The following TLE2 variants were observed in gnomAD, a reference collection of about 807,000 sequenced individuals.
TLE2 encodes TLE family member 2, transcriptional corepressor.
TLE2 carries 74 observed loss-of-function variants against 97.2 expected under a neutral mutation model. The ratio of observed to expected loss-of-function variants is 0.76; its 90% confidence interval spans 0.63 to 0.92. The LOEUF is 0.92. Ranked by LOEUF, TLE2 falls within the 40% of genes least tolerant of loss-of-function variation. The probability of loss-of-function intolerance (pLI) is 0.00; values close to 1 mark genes in which losing one functional copy is unlikely to be tolerated. For synonymous variants in TLE2, 499 were observed against 432.1 expected (o/e 1.15, Z -1.92); for missense variants, 1,038 against 1,008.7 (o/e 1.03, Z -0.39).
chr19:3,019,171 T>C lies in TLE2; in HGVS notation c.550+112A>G. 7.0e-7 allele frequency: 1 copy of C among 1,427,470 alleles called. No homozygotes were observed. Among genetic ancestry groups the C allele is most frequent in the Non-Finnish European group, 9.4e-7 (1 of 1,065,894 alleles). 88.4% of individuals were successfully genotyped at this position (1,427,470 alleles called of 1,614,324 possible). On this transcript the variant is annotated intron_variant, in intron 7 of 19. Coordinates refer to ENST00000262953, the MANE Select transcript of TLE2 (RefSeq NM_003260.5). This position sits in a 1 kb window ranked among gnomAD's most constrained non-coding sequence, Gnocchi z 5.1. ...CCTCGGCCTCCCAAATTGTTGGGAT[T>C]ATAGGCATGAGCCACTTCATCCCCT...
chr19:3,011,934 A>G (rs2089606523), intron 11 of TLE2, among the ~76,000 whole-genome samples: 1 of 151,410 alleles, frequency 6.6e-6, no homozygotes, highest in Non-Finnish European at 1.5e-5. Context: ...TTTTTAATAC[A>G]GGGTCTTGCT....
intron 1 of TLE2, among the ~76,000 whole-genome samples, chr19:3,034,949 G>C (rs941645382): frequency 6.6e-6 from 1 of 152,126 alleles, no homozygotes; most frequent in African/African-American, 2.4e-5. Context: ...CGAGGAACAG[G>C]GGCATTGCCC....
rs548835763 is a variant in TLE2 at position 3,013,537 on chromosome 19, C to G, written c.873+132G>C. ...AGCAGGAGGTTTAAAAAAAAAAGCA[C>G]AGGGAAAGGGTGGACAATGCCAGCC... is the stretch of plus-strand genomic sequence containing the variant. On this transcript the variant is annotated intron_variant, in intron 11 of 19. Transcript: ENST00000262953. 25 of 898,280 alleles carry G rather than the reference C, an allele frequency of 2.8e-5. No homozygotes were observed. In the African/African-American group the frequency reaches 4.0e-4, roughly 14 times the overall value. The allele number at this position is 898,280 out of a possible 1,614,324, so 55.6% of individuals were successfully genotyped here.
intron 18 of TLE2, among the ~76,000 whole-genome samples, chr19:3,001,791 C>CTTTTT (rs562875053): frequency 1.2e-4 from 13 of 111,420 alleles, no homozygotes; most frequent in South Asian, 5.8e-4. Context: ...TCTTTTCTTT[C>CTTTTT]TTTTTTTTTT....
intron 12 of TLE2, 60 bp from the exon 13 acceptor site, chr19:3,009,762 T>G: frequency 1.3e-6 from 2 of 1,535,738 alleles, no homozygotes; most frequent in Non-Finnish European, 1.7e-6. Flanking sequence ...CGCCTCCCAC[T>G]GCCTTGGGAG....
intron 5 of TLE2, among the ~76,000 whole-genome samples, chr19:3,023,325 T>A (rs912586520): frequency 6.6e-6 from 1 of 152,140 alleles, no homozygotes; most frequent in African/African-American, 2.4e-5. Flanking sequence ...CGTGAGCCAC[T>A]GGGCTCGGCC....
At chr19:3,011,220 T>TC in intron 11 of TLE2, 60 bp from the exon 12 acceptor site, 1 of 1,502,056 alleles carries the variant, frequency 6.7e-7, no homozygotes. Flanking sequence ...GGCCCAACGA[T>TC]CTGATCAGAA....
At chr19:2,999,595 C>T (rs4361051) in intron 19 of TLE2, among the ~76,000 whole-genome samples, 8,471 of 151,354 alleles carry the variant, frequency 0.056, 387 homozygotes, top group African/African-American at 0.12. Flanking sequence ...GGTGTGGTGG[C>T]GGGTACCTGG....
At chr19:3,027,718 G>C in intron 4 of TLE2, 111 bp downstream of exon 4, 2 of 1,056,076 alleles carry the variant, frequency 1.9e-6, no homozygotes, top group Non-Finnish European at 2.8e-6. Flanking sequence ...TTCAGGATGA[G>C]ACCCGTGTTC....
chr19:3,000,038 AAAAAG>A (rs2089320200), intron 19 of TLE2, among the ~76,000 whole-genome samples: 1 of 151,222 alleles, frequency 6.6e-6, no homozygotes, highest in Admixed American at 6.6e-5. Flanking sequence ...GTCTCCAAAA[AAAAAG>A]AAGAAATGAG....
chr19:3,000,348 T>C (rs985170133), intron 19 of TLE2, among the ~76,000 whole-genome samples: 2 of 151,992 alleles, frequency 1.3e-5, no homozygotes, highest in African/African-American at 4.8e-5. Flanking sequence ...GTGCTGGGAT[T>C]ACAGGCATGA....
At chr19:3,025,554 CCAG>C in intron 4 of TLE2, 2 of 987,984 alleles carry the variant, frequency 2.0e-6, no homozygotes, top group South Asian at 9.4e-5. Context: ...GACTGATCTA[CCAG>C]CTGGGGATGC....
intron 1 of TLE2, among the ~76,000 whole-genome samples, chr19:3,040,354 T>TTTG (rs1568256229): frequency 1.3e-5 from 2 of 151,790 alleles, no homozygotes; most frequent in East Asian, 3.9e-4. Flanking sequence ...TTGTTTGTTT[T>TTTG]TTTTTTAAGA....
At chr19:3,045,867 T>A (rs572955258), upstream of TLE2, 3 of 338,356 alleles carry the variant, frequency 8.9e-6, no homozygotes, top group South Asian at 6.6e-5. Flanking sequence ...CTGAATTTCC[T>A]GCATTTGAAT....
At chr19:3,047,324 C>A (rs1399956357), upstream of TLE2, among the ~76,000 whole-genome samples, 1 of 146,068 alleles carries the variant, frequency 6.8e-6, no homozygotes, top group African/African-American at 2.5e-5. Flanking sequence ...CCGCCCGCCC[C>A]GGCTTCCCGG....
chr19:3,022,443 C>T (rs533848957), intron 5 of TLE2, among the ~76,000 whole-genome samples: 6 of 151,210 alleles, frequency 4.0e-5, no homozygotes, highest in Admixed American at 2.0e-4. Context: ...GTGGAAGAAT[C>T]GCTTGAACCC....
rs777547258 is a variant in TLE2 at position 3,019,768 on chromosome 19, C to T, written c.300G>A (p.Gln100=). The T allele has an allele frequency of 1.2e-6, 2 of 1,612,736 alleles. No individual in the cohort carries two copies. The highest frequency in any genetic ancestry group is 1.7e-6 in the Non-Finnish European group (2 of 1,179,490). ...GTTCTACGGCCTGGAGCACCTGCTG[C>T]TGATGCTGGCGGGTGGAAGGGATCA... is the stretch of plus-strand genomic sequence containing the variant. ...QIIPFLTQEH[Q]QQVLQAVERA... Residue 100 remains glutamine (Q), a synonymous_variant, in exon 6 of 20, where the codon CAG becomes CAA. Coordinates refer to ENST00000262953, the MANE Select transcript of TLE2 (RefSeq NM_003260.5). This position sits in a 1 kb window ranked among gnomAD's most constrained non-coding sequence, Gnocchi z 5.1.
In TLE2 at chr19:2,997,683, C is replaced by T. The variant is rs1284874655; in HGVS notation, c.*165G>A. ...TTTATTTCCACCGAGGTCCCCTGCC[C>T]ATCGGCCCCCACATGCAGCAGGGGA... On this transcript the variant is annotated 3_prime_UTR_variant, in exon 20 of 20. Transcript: ENST00000262953. 3.4e-6 allele frequency: 2 copies of T among 593,210 alleles called. No individual in the cohort carries two copies. Among genetic ancestry groups the T allele is most frequent in the Admixed American group, 5.7e-5 (2 of 35,098 alleles). The allele number at this position is 593,210 out of a possible 1,614,324, so 36.7% of individuals were successfully genotyped here.
chr19:3,017,887 AAAG>A (rs757617400), intron 7 of TLE2, 28 bp from the exon 8 acceptor site: 58 of 1,609,084 alleles, frequency 3.6e-5, no homozygotes, highest in Non-Finnish European at 4.8e-5. Flanking sequence ...GGATAAAGAG[AAAG>A]AAGGAGAAAG....
Sources: allele counts gnomAD v4.1 joint callset (sites outside exome capture counted in the v4.1 genomes callset), GRCh38; gene constraint gnomAD v4.1.1; non-coding constraint Gnocchi (gnomAD v3.1); transcripts MANE v1.5; gene names NCBI Gene and HGNC (gene_info 2026-07-23, HGNC 2026-07-21).